RIT2: variants seen among roughly 807,000 people sequenced by gnomAD.
RIT2 encodes the protein GTP-binding protein Rit2.
RIT2 carries 24 observed loss-of-function variants against 23.7 expected under a neutral mutation model. The observed-to-expected ratio is 1.01, with a 90% CI of 0.73 to 1.43. The LOEUF (loss-of-function observed/expected upper bound fraction) is 1.43, where lower values mean the gene tolerates loss of function less well. RIT2 is among the 40% of genes most tolerant of loss of function. The pLI is 0.00. For missense variants in RIT2, 236 were observed against 266.9 expected, an observed-to-expected ratio of 0.88 and a Z score of 0.81; for synonymous variants, 107 against 91.1, an observed-to-expected ratio of 1.17 and a Z score of -0.99.
intron 4 of RIT2, among the ~76,000 whole-genome samples, chr18:42,919,663 G>T (rs913812539): frequency 6.6e-6 from 1 of 151,964 alleles, no homozygotes; most frequent in East Asian, 1.9e-4. Flanking sequence ...GCAGTGAGTG[G>T]AGATTGTACC....
intron 4 of RIT2, among the ~76,000 whole-genome samples, chr18:42,800,518 C>CT (rs147481524): frequency 0.62 from 89,781 of 144,104 alleles, 31,971 homozygotes; most frequent in Middle Eastern, 0.83. Context: ...CAGTTACATT[C>CT]TTTTTTTTTT....
intron 4 of RIT2, among the ~76,000 whole-genome samples, chr18:42,886,690 T>C (rs942728967): frequency 2.6e-5 from 4 of 152,184 alleles, no homozygotes; most frequent in African/African-American, 9.7e-5. Flanking sequence ...TAACATAATT[T>C]GGGGCATGGA....
chr18:43,028,927 C>A (rs1300645560), intron 2 of RIT2, among the ~76,000 whole-genome samples: 1 of 151,916 alleles, frequency 6.6e-6, no homozygotes, highest in Non-Finnish European at 1.5e-5. Context: ...TTTCTAAATT[C>A]CTAGCTTAAG....
chr18:43,084,052 A>T (rs116845866), intron 1 of RIT2, among the ~76,000 whole-genome samples: 1 of 152,106 alleles, frequency 6.6e-6, no homozygotes, highest in South Asian at 2.1e-4. Context: ...TGCCCAAACA[A>T]CCCCATCAAA....
chr18:43,063,601 T>C (rs995343636), intron 1 of RIT2, among the ~76,000 whole-genome samples: 14 of 152,282 alleles, frequency 9.2e-5, no homozygotes, highest in Non-Finnish European at 1.5e-4. Context: ...TCCAGTGAAA[T>C]GCCTTTAAAC....
At chr18:43,093,933 A>G (rs1913484559) in intron 1 of RIT2, among the ~76,000 whole-genome samples, 1 of 152,052 alleles carries the variant, frequency 6.6e-6, no homozygotes, top group Admixed American at 6.6e-5. Context: ...TGTGCAAAGC[A>G]AAGTTGAAAA....
chr18:42,851,332 T>C (rs1391491734), intron 4 of RIT2, among the ~76,000 whole-genome samples: 1 of 152,222 alleles, frequency 6.6e-6, no homozygotes, highest in African/African-American at 2.4e-5. Flanking sequence ...TTCAATAATT[T>C]AATTTTGCTG....
intron 4 of RIT2, among the ~76,000 whole-genome samples, chr18:42,752,821 T>G (rs1384888430): frequency 1.3e-5 from 2 of 152,144 alleles, no homozygotes; most frequent in Middle Eastern, 3.2e-3. Context: ...GATGCAGATA[T>G]CATTATACCA....
intron 4 of RIT2, among the ~76,000 whole-genome samples, chr18:42,878,588 T>C (rs1328959287): frequency 6.6e-6 from 1 of 151,728 alleles, no homozygotes; most frequent in Non-Finnish European, 1.5e-5. Context: ...TGTGTGTGTG[T>C]GTGTGTGTGT....
intron 3 of RIT2, among the ~76,000 whole-genome samples, chr18:42,925,153 A>G (rs949301966): frequency 6.6e-6 from 1 of 151,940 alleles, no homozygotes; most frequent in African/African-American, 2.4e-5. Flanking sequence ...TTTTATTTTA[A>G]CTCAATCCTA....
chr18:42,811,816 A>C (rs1245132163), intron 4 of RIT2, among the ~76,000 whole-genome samples: 2 of 152,126 alleles, frequency 1.3e-5, no homozygotes, highest in Non-Finnish European at 2.9e-5. Flanking sequence ...AAGAACATAT[A>C]TAAAATGATG....
chr18:42,825,907 C>A (rs1407829053), intron 4 of RIT2, among the ~76,000 whole-genome samples: 2 of 151,906 alleles, frequency 1.3e-5, no homozygotes, highest in South Asian at 4.1e-4. Flanking sequence ...AAACTGGTAA[C>A]AATGCAAATA....
chr18:42,868,234 G>A lies in RIT2; in HGVS notation c.426+55338C>T, dbSNP rs1314674734. ...TGAATTCATGCACATTGAGAAATGT[G>A]ATTTAAATCAATGGTCCATTCAATT... On this transcript the variant is annotated intron_variant, in intron 4 of 4. Transcript: ENST00000326695. Among the ~76,000 whole-genome samples the A allele has an allele frequency of 2.6e-5, 4 of 152,158 alleles. No homozygotes were observed. The East Asian group carries it at 7.7e-4, about 29-fold the overall frequency.
intron 1 of RIT2, among the ~76,000 whole-genome samples, chr18:43,088,062 A>G (rs929580040): frequency 6.6e-6 from 1 of 152,188 alleles, no homozygotes. Context: ...ATTCCTGTAC[A>G]TAATAGCTGT....
chr18:42,849,603 C>T lies in RIT2; in HGVS notation c.426+73969G>A, dbSNP rs543844433. Among the ~76,000 whole-genome samples, 3 of 152,280 alleles carry T rather than the reference C, an allele frequency of 2.0e-5. No homozygotes were observed. In the South Asian group the frequency reaches 6.2e-4, roughly 32 times the overall value. On this transcript the variant is annotated intron_variant, in intron 4 of 4. Transcript: ENST00000326695. ...ATTATTATTAACATCTGTATTAGTACAACTGAAGCACCACGTTATCTTCAA... is the reference window on the plus strand; with the variant it reads ...ATTATTATTAACATCTGTATTAGTATAACTGAAGCACCACGTTATCTTCAA...
rs188483650 is a variant in RIT2, at chr18:42,824,455, C to T, written c.427-80735G>A. On this transcript the variant is annotated intron_variant, in intron 4 of 4. Transcript: ENST00000326695. ...GTGCAATATTCATAGCTATTTTTGA[C>T]ACTCCATTGACAATTGCAACAGTAT... Among the ~76,000 whole-genome samples, 86 of 152,104 alleles carry T rather than the reference C, an allele frequency of 5.7e-4. No homozygotes were observed. In the East Asian group the frequency reaches 0.011, roughly 20 times the overall value.
intron 1 of RIT2, among the ~76,000 whole-genome samples, chr18:43,041,499 T>A (rs1286493487): frequency 6.6e-6 from 1 of 152,140 alleles, no homozygotes; most frequent in Non-Finnish European, 1.5e-5. Context: ...AGTGGCTATA[T>A]CATTAACATA....
At chr18:42,884,944 C>T (rs1907983389) in intron 4 of RIT2, among the ~76,000 whole-genome samples, 1 of 152,112 alleles carries the variant, frequency 6.6e-6, no homozygotes, top group Admixed American at 6.6e-5. Context: ...ACTTTTTAAC[C>T]ACTTGCAAAA....
chr18:42,955,386 A>T (rs1024073589), intron 3 of RIT2, among the ~76,000 whole-genome samples: 19 of 152,198 alleles, frequency 1.2e-4, no homozygotes, highest in African/African-American at 4.3e-4. Context: ...CCAGCTGACC[A>T]TGGTGGCACA....
Sources: gnomAD v4.1 joint callset for allele counts (sites outside exome capture counted in the v4.1 genomes callset) on GRCh38, gnomAD v4.1.1 for gene constraint, MANE v1.5 for transcripts, NCBI Gene and HGNC (gene_info 2026-07-23, HGNC 2026-07-21) for gene names.